SLC60A1: variants seen among roughly 807,000 people sequenced by gnomAD.
SLC60A1 encodes solute carrier family 60 member 1, also known as major facilitator superfamily domain containing 4.
chr1:205,569,087 C>T, the SLC60A1 span: 4 of 1,496,374 alleles, frequency 2.7e-6, no homozygotes, highest in Admixed American at 4.4e-5. Flanking sequence ...GCGACGGCCG[C>T]GTGTCGGGGC....
chr1:205,582,833 T>C, the SLC60A1 span, among the ~76,000 whole-genome samples: 1 of 152,226 alleles, frequency 6.6e-6, no homozygotes, highest in East Asian at 1.9e-4. Flanking sequence ...GGGGTGGTTT[T>C]TGTCTTTCAC....
the SLC60A1 span, chr1:205,585,095 A>C: frequency 2.1e-6 from 2 of 956,722 alleles, no homozygotes; most frequent in Non-Finnish European, 3.3e-6. This position sits in a 1 kb window ranked among gnomAD's most constrained non-coding sequence, Gnocchi z 4.2. Context: ...TTTCCTGGAG[A>C]CTTCTCCTGG....
the SLC60A1 span, among the ~76,000 whole-genome samples, chr1:205,569,705 G>GCTGC: frequency 6.6e-6 from 1 of 152,106 alleles, no homozygotes; most frequent in Admixed American, 6.5e-5. Context: ...AGTAGCCCCG[G>GCTGC]CTGCCGGGGG....
At chr1:205,578,515 C>G in the SLC60A1 span, among the ~76,000 whole-genome samples, 1 of 152,190 alleles carries the variant, frequency 6.6e-6, no homozygotes, top group Non-Finnish European at 1.5e-5. Flanking sequence ...CCCAGCAGAT[C>G]AGCCTGGAAA....
At chr1:205,580,634 C>G in the SLC60A1 span, 1 of 1,589,638 alleles carries the variant, frequency 6.3e-7, no homozygotes, top group Non-Finnish European at 8.6e-7. The surrounding 1 kb of genome is among the most constrained non-coding windows in gnomAD (Gnocchi z 5.0). Flanking sequence ...CCCCCACCCC[C>G]ACCCGCCACC....
the SLC60A1 span, chr1:205,597,651 C>T: frequency 1.2e-6 from 1 of 860,442 alleles, no homozygotes; most frequent in East Asian, 2.5e-5. Flanking sequence ...CCACTTCTGA[C>T]TCCTAAAGTA....
the SLC60A1 span, among the ~76,000 whole-genome samples, chr1:205,586,696 A>ATT: frequency 7.0e-3 from 899 of 127,778 alleles, 5 homozygotes; most frequent in Admixed American, 0.014. Context: ...CTCCTAGGTG[A>ATT]CTCTTTTTTT....
chr1:205,584,034 T>C, the SLC60A1 span: 1 of 1,614,102 alleles, frequency 6.2e-7, no homozygotes, highest in Non-Finnish European at 8.5e-7. Context: ...AGGCCCCTGC[T>C]TCTGTCTGCT....
chr1:205,602,773 T>C, the SLC60A1 span: 2 of 152,164 alleles, frequency 1.3e-5, no homozygotes, highest in Non-Finnish European at 2.9e-5. Context: ...TTCTTGTGGT[T>C]TTTCAAGAAA....
chr1:205,593,253 G>C, the SLC60A1 span, among the ~76,000 whole-genome samples: 27 of 151,992 alleles, frequency 1.8e-4, no homozygotes, highest in African/African-American at 6.3e-4. Flanking sequence ...GGCGGATCAC[G>C]AGGTCAGGAG....
chr1:205,597,874 A>G, the SLC60A1 span: 1 of 1,612,130 alleles, frequency 6.2e-7, no homozygotes, highest in South Asian at 1.1e-5. Context: ...TGTAAGGGAG[A>G]GGGGAGCATT....
the SLC60A1 span, chr1:205,584,218 AT>A: frequency 0.17 from 130,762 of 783,138 alleles, 33 homozygotes; most frequent in East Asian, 0.23. Context: ...ATCACAGGTG[AT>A]TTTTTTTTTT....
At chr1:205,583,195 C>A in the SLC60A1 span, among the ~76,000 whole-genome samples, 8 of 152,190 alleles carry the variant, frequency 5.3e-5, no homozygotes, top group Non-Finnish European at 1.0e-4. Flanking sequence ...CCCAGGCAAC[C>A]TCAGAAGCAG....
the SLC60A1 span, chr1:205,599,029 T>C: frequency 2.0e-6 from 3 of 1,494,350 alleles, no homozygotes; most frequent in Non-Finnish European, 1.8e-6. Context: ...GGGCCTCAAC[T>C]TAGCTGAAAA....
the SLC60A1 span, chr1:205,595,137 TC>T: frequency 6.6e-6 from 1 of 151,936 alleles, no homozygotes; most frequent in Non-Finnish European, 1.5e-5. Flanking sequence ...TGTGAAGTGT[TC>T]CCCCAAAAAA....
the SLC60A1 span, among the ~76,000 whole-genome samples, chr1:205,589,388 CAG>C: frequency 6.6e-6 from 1 of 152,124 alleles, no homozygotes; most frequent in Non-Finnish European, 1.5e-5. Flanking sequence ...GGGAAGTAAA[CAG>C]GGGCTACATC....
At chr1:205,601,278 T>G in the SLC60A1 span, 1 of 152,108 alleles carries the variant, frequency 6.6e-6, no homozygotes, top group African/African-American at 2.4e-5. Flanking sequence ...TTACTATATA[T>G]GATGGTGTGC....
At chr1:205,589,905 G>A in the SLC60A1 span, among the ~76,000 whole-genome samples, 223 of 152,276 alleles carry the variant, frequency 1.5e-3, 1 homozygote, top group African/African-American at 4.6e-3. Flanking sequence ...TACAAGGATC[G>A]AACATGTTTT....
the SLC60A1 span, among the ~76,000 whole-genome samples, chr1:205,589,528 T>G: frequency 1.8e-4 from 27 of 152,260 alleles, no homozygotes; most frequent in Non-Finnish European, 3.7e-4. Context: ...ATACATTTAT[T>G]CATGCTATGA....
Sources: gnomAD v4.1 joint callset for allele counts (sites outside exome capture counted in the v4.1 genomes callset) on GRCh38, gnomAD v4.1.1 for gene constraint, Gnocchi (gnomAD v3.1) non-coding constraint, MANE v1.5 for transcripts, NCBI Gene and HGNC (gene_info 2026-07-23, HGNC 2026-07-21) for gene names.